FYN: variants seen among roughly 807,000 people sequenced by gnomAD.
FYN encodes tyrosine-protein kinase Fyn.
In FYN, 10 loss-of-function variants were observed where a neutral mutation model predicts 70.2. The observed-to-expected ratio is 0.14, with a 90% CI of 0.09 to 0.24. The LOEUF (loss-of-function observed/expected upper bound fraction) is 0.24. Ranked by LOEUF, FYN falls within the 10% of genes least tolerant of loss-of-function variation. The pLI is 1.00. For missense variants in FYN, 319 were observed against 673.1 expected, an observed-to-expected ratio of 0.47 and a Z score of 5.82; for synonymous variants, 236 against 248.6, an observed-to-expected ratio of 0.95 and a Z score of 0.48.
chr6:111,695,053 G>C (rs1051002601), intron 10 of FYN, among the ~76,000 whole-genome samples: 1 of 152,168 alleles, frequency 6.6e-6, no homozygotes, highest in African/African-American at 2.4e-5. Context: ...CCTGCACAAA[G>C]AATTGATGTG....
intron 3 of FYN, among the ~76,000 whole-genome samples, chr6:111,764,505 T>C (rs1233728484): frequency 6.6e-6 from 1 of 152,136 alleles, no homozygotes; most frequent in African/African-American, 2.4e-5. Context: ...TTCCAGCATA[T>C]TAATTGTGAG....
At position 111,660,756 on chromosome 6, in the gene FYN, A is replaced by G. The variant is rs1432675104; in HGVS notation, c.*983T>C. 2 of 152,184 alleles carry G rather than the reference A, an allele frequency of 1.3e-5. No homozygotes were observed. The highest frequency in any genetic ancestry group is 2.4e-5 in the African/African-American group (1 of 41,432). 9.4% of individuals were successfully genotyped at this position (152,184 alleles called of 1,614,324 possible). On this transcript the variant is annotated 3_prime_UTR_variant, in exon 14 of 14. Coordinates refer to ENST00000354650, the MANE Select transcript of FYN (RefSeq NM_002037.5). The stretch of plus-strand genomic sequence containing the variant: ...AGCGGGTTGCCATGACTACAATGCT[A>G]TGGGTTTTAGATCACTTAAATGTGG...
At chr6:111,687,118 A>G (rs969477482) in intron 12 of FYN, among the ~76,000 whole-genome samples, 1 of 151,528 alleles carries the variant, frequency 6.6e-6, no homozygotes, top group Non-Finnish European at 1.5e-5. Context: ...AGAGTTATTA[A>G]AGTAACAAAT....
chr6:111,710,533 C>T (rs1335126851), intron 5 of FYN, among the ~76,000 whole-genome samples: 2 of 152,186 alleles, frequency 1.3e-5, no homozygotes, highest in South Asian at 2.1e-4. Context: ...TTTTCAGCTA[C>T]TCATGAGAAA....
rs1489436977 is a variant in FYN, at chr6:111,703,937, A to G, written c.547+62T>C. 3.9e-6 allele frequency: 5 copies of G among 1,277,002 alleles called. No homozygotes were observed. In the East Asian group the frequency reaches 9.2e-5, roughly 24 times the overall value. 79.1% of individuals were successfully genotyped at this position (1,277,002 alleles called of 1,614,324 possible). Reference sequence around the variant, plus strand: ...CTTGTACATTAGAGATAAGCCTTTCATCCCCTCTGACTAATCCACAGATTT... The same window carrying G: ...CTTGTACATTAGAGATAAGCCTTTCGTCCCCTCTGACTAATCCACAGATTT... On this transcript the variant is annotated intron_variant, in intron 7 of 13. Coordinates refer to ENST00000354650, the MANE Select transcript of FYN (RefSeq NM_002037.5).
chr6:111,729,307 C>G (rs534390116), intron 3 of FYN, among the ~76,000 whole-genome samples: 1 of 152,026 alleles, frequency 6.6e-6, no homozygotes, highest in Non-Finnish European at 1.5e-5. Flanking sequence ...AACCCCAACT[C>G]TACTAAAAAT....
intron 2 of FYN, among the ~76,000 whole-genome samples, chr6:111,788,658 T>C (rs1333178099): frequency 6.6e-6 from 1 of 152,198 alleles, no homozygotes; most frequent in Non-Finnish European, 1.5e-5. Context: ...AGTATAGTCC[T>C]ACAACCTGCC....
intron 2 of FYN, among the ~76,000 whole-genome samples, chr6:111,793,331 T>G: frequency 6.6e-6 from 1 of 152,170 alleles, no homozygotes; most frequent in Non-Finnish European, 1.5e-5. Flanking sequence ...TTTTTTAAAG[T>G]GAAGTTTCGG....
chr6:111,747,760 G>A (rs1208135798), intron 3 of FYN, among the ~76,000 whole-genome samples: 4 of 152,238 alleles, frequency 2.6e-5, no homozygotes, highest in Admixed American at 6.5e-5. Flanking sequence ...AAGCTGGCAG[G>A]CTTCCTTTCC....
intron 4 of FYN, among the ~76,000 whole-genome samples, chr6:111,718,342 C>A (rs956870464): frequency 6.6e-6 from 1 of 152,232 alleles, no homozygotes; most frequent in African/African-American, 2.4e-5. Context: ...GCAGAAAAAT[C>A]TGCCAACATT....
chr6:111,817,208 A>G (rs1029504061), intron 2 of FYN, among the ~76,000 whole-genome samples: 5 of 151,910 alleles, frequency 3.3e-5, no homozygotes, highest in African/African-American at 4.8e-5. Context: ...TTTTCTATAT[A>G]TTTTTCTGTA....
chr6:111,775,975 T>C (rs1770921907), intron 3 of FYN, among the ~76,000 whole-genome samples: 1 of 152,212 alleles, frequency 6.6e-6, no homozygotes, highest in Admixed American at 6.5e-5. Flanking sequence ...CCCCTAGGTC[T>C]GGTTGGATTT....
chr6:111,716,441 T>C (rs752255824), intron 4 of FYN, among the ~76,000 whole-genome samples: 1 of 152,216 alleles, frequency 6.6e-6, no homozygotes, highest in Non-Finnish European at 1.5e-5. Context: ...CCCTGGAATA[T>C]TACTGCTTTG....
intron 2 of FYN, among the ~76,000 whole-genome samples, chr6:111,834,995 CCA>C (rs1370428531): frequency 6.6e-6 from 1 of 152,144 alleles, no homozygotes; most frequent in Non-Finnish European, 1.5e-5. Flanking sequence ...TCTGCTTCAC[CCA>C]CAGTTAGGAG....
chr6:111,682,325 A>G (rs904633190), intron 12 of FYN, among the ~76,000 whole-genome samples: 7 of 152,218 alleles, frequency 4.6e-5, no homozygotes, highest in African/African-American at 9.6e-5. Context: ...TTCAGTGCCA[A>G]CAGGATGACT....
At chr6:111,691,621 G>C (rs1013065394) in intron 12 of FYN, among the ~76,000 whole-genome samples, 2 of 152,172 alleles carry the variant, frequency 1.3e-5, no homozygotes, top group Non-Finnish European at 2.9e-5. Context: ...AGCCAGGGCA[G>C]GGCAGGCCCT....
intron 3 of FYN, among the ~76,000 whole-genome samples, chr6:111,736,499 T>C (rs1583385051): frequency 6.6e-6 from 1 of 152,276 alleles, no homozygotes; most frequent in South Asian, 2.1e-4. Context: ...AGAGCTCCGA[T>C]GGAGCTGCCT....
chr6:111,724,250 C>T (rs1801088045), intron 3 of FYN, among the ~76,000 whole-genome samples: 1 of 152,094 alleles, frequency 6.6e-6, no homozygotes, highest in Non-Finnish European at 1.5e-5. Context: ...AGATCACAGC[C>T]CTTTCTGCTG....
intron 3 of FYN, among the ~76,000 whole-genome samples, chr6:111,757,435 A>T (rs1443692708): frequency 1.3e-5 from 2 of 152,372 alleles, no homozygotes; most frequent in Admixed American, 6.5e-5. Context: ...ACTTAAAAAA[A>T]TGAGGCGTTG....
Sources: gnomAD v4.1 joint callset for allele counts (sites outside exome capture counted in the v4.1 genomes callset) on GRCh38, gnomAD v4.1.1 for gene constraint, MANE v1.5 for transcripts, NCBI Gene and HGNC (gene_info 2026-07-23, HGNC 2026-07-21) for gene names.